The following ANKRD27 variants were observed in gnomAD, a reference collection of about 807,000 sequenced individuals.
ANKRD27 encodes ankyrin repeat domain-containing protein 27.
In ANKRD27, 112 loss-of-function variants were observed where a neutral mutation model predicts 129.7. That is an observed-to-expected ratio of 0.86 (90% CI 0.74 to 1.01). ANKRD27 has a LOEUF of 1.01. Ranked by LOEUF, ANKRD27 falls within the 50% of genes least tolerant of loss-of-function variation. ANKRD27 has a pLI of 0.00. For synonymous variants in ANKRD27, 516 were observed against 511.2 expected (o/e 1.01, Z -0.13); for missense variants, 1,258 against 1,300.5 (o/e 0.97, Z 0.50).
At chr19:32,639,563 G>A (rs1967156837) in intron 11 of ANKRD27, 75 bp from the exon 12 acceptor site, 3 of 1,498,826 alleles carry the variant, frequency 2.0e-6, no homozygotes, top group Admixed American at 1.8e-5. Flanking sequence ...TCATTGGCTT[G>A]GGCAACTGAT....
intron 2 of ANKRD27, among the ~76,000 whole-genome samples, chr19:32,657,924 G>C (rs920193950): frequency 2.0e-5 from 3 of 152,010 alleles, no homozygotes; most frequent in African/African-American, 7.2e-5. Context: ...GCTGTGAGCT[G>C]AGATCACGCC....
In ANKRD27 at chr19:32,625,845, G is replaced by GC. The variant is rs572951458; in HGVS notation, c.1629+28dup. On this transcript the variant is annotated intron_variant, in intron 17 of 28. Coordinates refer to ENST00000306065, the MANE Select transcript of ANKRD27 (RefSeq NM_032139.3). ...CTACGAGTGGGAAAGGGTGAACGCAGCCCCCCCGGAACAGCAAGAGCCACT... is the reference window on the plus strand; with the variant it reads ...CTACGAGTGGGAAAGGGTGAACGCAGCCCCCCCCGGAACAGCAAGAGCCACT... 7.1e-4 allele frequency: 1,077 copies of GC among 1,514,004 alleles called. 2 individuals are homozygous for GC. Among genetic ancestry groups the GC allele is most frequent in the Middle Eastern group, 7.0e-4 (4 of 5,724 alleles). 93.8% of individuals were successfully genotyped at this position (1,514,004 alleles called of 1,614,324 possible). A position where few individuals can be genotyped will look rare whatever the true frequency, so the allele number is the denominator to read the frequency against.
intron 6 of ANKRD27, 27 bp downstream of exon 6, chr19:32,643,545 C>T (rs2145301655): frequency 6.2e-7 from 1 of 1,613,972 alleles, no homozygotes; most frequent in East Asian, 2.2e-5. Context: ...CACCACAATT[C>T]TCCCTCTCAG....
At chr19:32,672,039 G>A (rs1204893046) in intron 1 of ANKRD27, among the ~76,000 whole-genome samples, 1 of 152,172 alleles carries the variant, frequency 6.6e-6, no homozygotes, top group African/African-American at 2.4e-5. Flanking sequence ...GTCAAGAACC[G>A]TCTGGTGACA....
intron 1 of ANKRD27, among the ~76,000 whole-genome samples, chr19:32,661,485 C>A (rs942854520): frequency 6.6e-6 from 1 of 151,968 alleles, no homozygotes; most frequent in Admixed American, 6.6e-5. Flanking sequence ...TGCAGGCATG[C>A]ACCACCACGC....
chr19:32,598,435 C>T (rs1472099495), intron 28 of ANKRD27, 57 bp from the exon 29 acceptor site: 21 of 1,542,664 alleles, frequency 1.4e-5, no homozygotes, highest in Non-Finnish European at 1.9e-5. Flanking sequence ...GAAGCCACAA[C>T]CATGACAGTG....
At position 32,644,336 on chromosome 19, in the gene ANKRD27, G is replaced by A. The variant is rs770386075; in HGVS notation, c.514C>T (p.Arg172Cys). The A allele has an allele frequency of 1.1e-5, 17 of 1,612,854 alleles. No homozygotes were observed. Among genetic ancestry groups the A allele is most frequent in the East Asian group, 2.2e-5 (1 of 44,870 alleles). Residue 172 changes from arginine to cysteine, a missense_variant, in exon 5 of 29, where the codon CGT (arginine) becomes TGT (cysteine). Coordinates refer to ENST00000306065, the MANE Select transcript of ANKRD27 (RefSeq NM_032139.3). ...TFRECERKSL[R>C]HHIDSANALY... The stretch of plus-strand genomic sequence containing the variant: ...GCACGGCTACTGACTATGTGGTGAC[G>A]GAGGCTCTTTCTCTCGCATTCTCGG...
chr19:32,651,269 A>C (rs1249427564), intron 2 of ANKRD27, among the ~76,000 whole-genome samples: 2 of 152,154 alleles, frequency 1.3e-5, no homozygotes, highest in Non-Finnish European at 2.9e-5. Context: ...TAATGCTTGA[A>C]GTCAGAGATG....
In ANKRD27 at chr19:32,613,706, C is replaced by CTTTTTTTTTTTTTTTTTTTTT. The variant is rs58394462; in HGVS notation, c.2175+1951_2175+1952insAAAAAAAAAAAAAAAAAAAAA. ...GTATACTGTGATTACATTTATGTAA[C>CTTTTTTTTTTTTTTTTTTTTT]TTTTTTTTTTTTTTTTTTTTGAGAC... On this transcript the variant is annotated intron_variant, in intron 22 of 28. Transcript: ENST00000306065. Among the ~76,000 whole-genome samples, 5 of 132,994 alleles carry CTTTTTTTTTTTTTTTTTTTTT rather than the reference C, an allele frequency of 3.8e-5. 2 individuals are homozygous for CTTTTTTTTTTTTTTTTTTTTT. The highest frequency in any genetic ancestry group is 8.0e-5 in the Non-Finnish European group (5 of 62,424). The allele number at this position is 132,994 out of a possible 152,430, so 87.2% of individuals were successfully genotyped here.
chr19:32,612,625 G>T (rs996492865), intron 22 of ANKRD27, among the ~76,000 whole-genome samples: 2 of 151,986 alleles, frequency 1.3e-5, no homozygotes, highest in African/African-American at 4.8e-5. Context: ...CAATGCAGCA[G>T]AACAGAGAAC....
intron 26 of ANKRD27, 86 bp from the exon 27 acceptor site, chr19:32,600,136 A>G (rs919756875): frequency 2.9e-6 from 3 of 1,034,712 alleles, no homozygotes; most frequent in South Asian, 3.0e-5. Flanking sequence ...CAATCTTTCT[A>G]TTCTCAGATT....
chr19:32,633,788 G>A (rs2145290622), intron 12 of ANKRD27, among the ~76,000 whole-genome samples: 1 of 152,096 alleles, frequency 6.6e-6, no homozygotes, highest in South Asian at 2.1e-4. Context: ...TTGGGAAGCT[G>A]AGGTGGGAGG....
chr19:32,604,313 C>T lies in ANKRD27; in HGVS notation c.2605G>A (p.Val869Ile), dbSNP rs144104142. 10 of 1,613,858 alleles carry T rather than the reference C, an allele frequency of 6.2e-6. No homozygotes were observed. The highest frequency in any genetic ancestry group is 7.6e-6 in the Non-Finnish European group (9 of 1,180,026). Residue 869 changes from valine (V) to isoleucine (I), a missense_variant, in exon 25 of 29, where the codon GTT becomes ATT. Physicochemically the swap from Val to Ile is conservative, Grantham distance 29. Transcript: ENST00000306065. ...VELLLLHGAS[V>I]QVLNKRQRTA... ...CGCTGCCGCTTGTTCAGCACCTGAA[C>T]TGACGCTCCGTGGAGCAGAAGCAGC...
intron 2 of ANKRD27, among the ~76,000 whole-genome samples, chr19:32,652,745 G>A (rs1414218452): frequency 6.6e-6 from 1 of 151,662 alleles, no homozygotes; most frequent in Non-Finnish European, 1.5e-5. Context: ...CTGGGCGACA[G>A]GGCAAAACCC....
intron 1 of ANKRD27, among the ~76,000 whole-genome samples, chr19:32,665,671 G>C (rs1161442691): frequency 2.0e-5 from 3 of 152,098 alleles, no homozygotes; most frequent in Non-Finnish European, 4.4e-5. Context: ...GTGTTAGCCA[G>C]GATGGTCTCG....
At chr19:32,629,867 T>TC (rs1966961600) in intron 13 of ANKRD27, among the ~76,000 whole-genome samples, 1 of 106,452 alleles carries the variant, frequency 9.4e-6, no homozygotes, top group Admixed American at 1.0e-4. Flanking sequence ...TTTTTTTTTT[T>TC]CAGTGAATCC....
At chr19:32,604,466 C>T (rs775553336) in intron 24 of ANKRD27, 42 bp from the exon 25 acceptor site, 9 of 1,551,094 alleles carry the variant, frequency 5.8e-6, no homozygotes, top group African/African-American at 2.7e-5. Flanking sequence ...CGCTACGAAA[C>T]GTCAGCATGG....
chr19:32,618,656 T>G (rs1971960187), intron 20 of ANKRD27, among the ~76,000 whole-genome samples: 1 of 151,980 alleles, frequency 6.6e-6, no homozygotes. Context: ...TTGTGGGTAG[T>G]GGGACACTAT....
rs374567263 is a variant in ANKRD27, at chr19:32,604,551, T to C, written c.2494-127A>G. 4.3e-5 allele frequency: 45 copies of C among 1,046,902 alleles called. No individual in the cohort carries two copies. In the East Asian group the frequency reaches 8.0e-4, roughly 19 times the overall value. The allele number at this position is 1,046,902 out of a possible 1,614,324, so 64.9% of individuals were successfully genotyped here. A position where few individuals can be genotyped will look rare whatever the true frequency, so the allele number is the denominator to read the frequency against. On this transcript the variant is annotated intron_variant, in intron 24 of 28. Coordinates refer to ENST00000306065, the MANE Select transcript of ANKRD27 (RefSeq NM_032139.3). Reference sequence around the variant, plus strand: ...TTATGTCTGAAAGTTTCCTTAAAATTTGGGGAGGAAAAGTAATACTGAGAA... The same window carrying C: ...TTATGTCTGAAAGTTTCCTTAAAATCTGGGGAGGAAAAGTAATACTGAGAA...
Sources: allele counts gnomAD v4.1 joint callset (sites outside exome capture counted in the v4.1 genomes callset), GRCh38; gene constraint gnomAD v4.1.1; transcripts MANE v1.5; gene names NCBI Gene and HGNC (gene_info 2026-07-23, HGNC 2026-07-21).